The following SPAG16 variants were observed in gnomAD, a reference collection of about 807,000 sequenced individuals.
SPAG16 encodes sperm-associated antigen 16 protein.
Under a neutral mutation model 80.4 loss-of-function variants are expected in SPAG16, and 86 were observed. The ratio of observed to expected loss-of-function variants is 1.07; its 90% confidence interval spans 0.90 to 1.28. The LOEUF (loss-of-function observed/expected upper bound fraction) is 1.28, where lower values mean the gene tolerates loss of function less well. Ranked by LOEUF, SPAG16 falls within the 50% of genes most tolerant of loss-of-function variation. The pLI is 0.00. For synonymous variants in SPAG16, 294 were observed against 265.9 expected (o/e 1.11, Z -1.03); for missense variants, 870 against 765.3 (o/e 1.14, Z -1.61).
chr2:213,461,190 G>A (rs756524914), intron 9 of SPAG16, among the ~76,000 whole-genome samples: 1 of 152,224 alleles, frequency 6.6e-6, no homozygotes, highest in Middle Eastern at 3.4e-3. Context: ...TGAATGGAAG[G>A]ACTATGCAAT....
intron 15 of SPAG16, among the ~76,000 whole-genome samples, chr2:214,225,339 GC>G (rs1004647407): frequency 6.6e-6 from 1 of 152,070 alleles, no homozygotes; most frequent in Non-Finnish European, 1.5e-5. Flanking sequence ...AATTAATCTG[GC>G]TTTTCCTAAA....
chr2:213,825,510 G>A (rs10181804), intron 10 of SPAG16, among the ~76,000 whole-genome samples: 3 of 151,590 alleles, frequency 2.0e-5, no homozygotes, highest in African/African-American at 7.3e-5. Flanking sequence ...CATTCTGTTG[G>A]TAAAATGCAT....
At chr2:213,849,277 A>C (rs755895582) in intron 10 of SPAG16, among the ~76,000 whole-genome samples, 2 of 152,112 alleles carry the variant, frequency 1.3e-5, no homozygotes, top group Non-Finnish European at 2.9e-5. Context: ...CTAACACATC[A>C]CCGTGAGAAT....
chr2:213,317,579 A>G (rs928120954), intron 5 of SPAG16: 2 of 1,190,920 alleles, frequency 1.7e-6, no homozygotes, highest in African/African-American at 1.6e-5. Flanking sequence ...GTAGTTGTTT[A>G]GGAGATGGTA....
chr2:213,322,553 ACAT>A (rs1467753012), intron 5 of SPAG16, among the ~76,000 whole-genome samples: 20 of 151,978 alleles, frequency 1.3e-4, no homozygotes. Flanking sequence ...AGCATCTGTG[ACAT>A]CATACTGTTC....
chr2:213,537,088 C>T (rs2076277102), intron 10 of SPAG16, among the ~76,000 whole-genome samples: 1 of 147,050 alleles, frequency 6.8e-6, no homozygotes, highest in Admixed American at 7.1e-5. Flanking sequence ...CACATATTCT[C>T]ACTCATAGGT....
chr2:213,515,477 C>G (rs1180300307), intron 10 of SPAG16, among the ~76,000 whole-genome samples: 1 of 152,146 alleles, frequency 6.6e-6, no homozygotes, highest in African/African-American at 2.4e-5. Context: ...TATTTGTACA[C>G]CTGCTGTGTC....
intron 15 of SPAG16, among the ~76,000 whole-genome samples, chr2:214,291,308 T>TTG (rs1420779282): frequency 8.2e-6 from 1 of 121,890 alleles, no homozygotes; most frequent in Non-Finnish European, 1.7e-5. Context: ...TTCTTTTTTT[T>TTG]TTTTTTTTTT....
chr2:213,445,452 A>G (rs2071233493), intron 9 of SPAG16, among the ~76,000 whole-genome samples: 1 of 152,190 alleles, frequency 6.6e-6, no homozygotes, highest in African/African-American at 2.4e-5. Context: ...ACCTGAGGTC[A>G]GGAGATCGAG....
chr2:214,351,725 AAAC>A (rs2126050026), intron 15 of SPAG16, among the ~76,000 whole-genome samples: 1 of 151,762 alleles, frequency 6.6e-6, no homozygotes, highest in African/African-American at 2.4e-5. Flanking sequence ...CAAACAAAAA[AAAC>A]AACAAAACTT....
intron 10 of SPAG16, among the ~76,000 whole-genome samples, chr2:213,800,846 C>T (rs2071351471): frequency 6.6e-6 from 1 of 152,086 alleles, no homozygotes; most frequent in African/African-American, 2.4e-5. Flanking sequence ...GTACGCTGTG[C>T]CAATATTATG....
At chr2:213,973,708 G>T (rs1324975818) in intron 12 of SPAG16, among the ~76,000 whole-genome samples, 2 of 151,208 alleles carry the variant, frequency 1.3e-5, no homozygotes, top group African/African-American at 4.9e-5. Context: ...TTCTGACAAA[G>T]TTGGTTTTGA....
intron 11 of SPAG16, among the ~76,000 whole-genome samples, chr2:213,889,849 A>G (rs1032994235): frequency 6.6e-6 from 1 of 151,792 alleles, no homozygotes; most frequent in Non-Finnish European, 1.5e-5. Flanking sequence ...TCAACTAAAT[A>G]TCTCGACTTC....
intron 10 of SPAG16, among the ~76,000 whole-genome samples, chr2:213,509,151 C>A (rs2075116755): frequency 6.6e-6 from 1 of 152,070 alleles, no homozygotes; most frequent in Admixed American, 6.5e-5. Context: ...CACCTGCCAC[C>A]ACACCCAGCT....
In SPAG16 at chr2:213,930,017, T is replaced by C. The variant is rs2078677396; in HGVS notation, c.1272T>C (p.Cys424=). ...GDTTVKLWDL[C]KGDCILTFEG... The stretch of plus-strand genomic sequence containing the variant: ...CTACAGTTAAATTATGGGATCTATG[T>C]AAAGGCGATTGCATTTTGACCTTTG... The change falls in exon 12 of 16, where the codon TGT becomes TGC. Residue 424 remains cysteine (C), a synonymous_variant. Coordinates refer to ENST00000331683, the MANE Select transcript of SPAG16 (RefSeq NM_024532.5). The C allele has an allele frequency of 6.2e-7, 1 of 1,614,056 alleles. No individual in the cohort carries two copies. Among genetic ancestry groups the C allele is most frequent in the Non-Finnish European group, 8.5e-7 (1 of 1,180,006 alleles).
At chr2:213,622,108 T>G (rs2061808673) in intron 10 of SPAG16, among the ~76,000 whole-genome samples, 1 of 152,162 alleles carries the variant, frequency 6.6e-6, no homozygotes, top group Admixed American at 6.5e-5. Flanking sequence ...TAAAGATGAG[T>G]GCATTTTTTT....
Position 213,511,939 on chromosome 2 carries a change from G to T in SPAG16, c.1070+21849G>T, listed in dbSNP as rs556278730. Among the ~76,000 whole-genome samples the T allele has an allele frequency of 4.0e-5, 6 of 151,532 alleles. No individual in the cohort carries two copies. The East Asian group carries it at 1.2e-3, about 29-fold the overall frequency. On this transcript the variant is annotated intron_variant, in intron 10 of 15. Coordinates refer to ENST00000331683, the MANE Select transcript of SPAG16 (RefSeq NM_024532.5). ...TCACAATACTTTAGTTTTGAGCTTT[G>T]TTTTCTTTATGAAGTCCAGAAAAAC... is the stretch of plus-strand genomic sequence containing the variant.
At chr2:213,433,626 C>T (rs1031824170) in intron 9 of SPAG16, among the ~76,000 whole-genome samples, 1 of 152,112 alleles carries the variant, frequency 6.6e-6, no homozygotes, top group African/African-American at 2.4e-5. Flanking sequence ...AAAAACATCC[C>T]ATGCTCATGG....
chr2:213,361,454 CT>C, intron 7 of SPAG16, among the ~76,000 whole-genome samples: 1 of 150,326 alleles, frequency 6.7e-6, no homozygotes, highest in East Asian at 1.9e-4. Flanking sequence ...CTTGGAGAGT[CT>C]AGAAGTAGTG....
Sources: gnomAD v4.1 joint callset for allele counts (sites outside exome capture counted in the v4.1 genomes callset) on GRCh38, gnomAD v4.1.1 for gene constraint, MANE v1.5 for transcripts, NCBI Gene and HGNC (gene_info 2026-07-23, HGNC 2026-07-21) for gene names.